The following BTD variants were observed in gnomAD, a reference collection of about 807,000 sequenced individuals.
BTD encodes the protein biocytinase.
A neutral mutation model predicts 17.7 loss-of-function variants in BTD; 13 were observed. That is an observed-to-expected ratio of 0.74 (90% CI 0.48 to 1.17). The LOEUF (loss-of-function observed/expected upper bound fraction) is 1.17. Among genes scored for constraint, BTD ranks in the 50% most tolerant of loss-of-function variants. The probability of loss-of-function intolerance (pLI) is 0.00; values close to 1 mark genes in which losing one functional copy is unlikely to be tolerated. For missense variants in BTD, 674 were observed against 650.4 expected, an observed-to-expected ratio of 1.04 and a Z score of -0.39; for synonymous variants, 240 against 245.2, an observed-to-expected ratio of 0.98 and a Z score of 0.20.
intron 1 of BTD, among the ~76,000 whole-genome samples, chr3:15,603,021 C>T (rs1241507562): frequency 2.6e-5 from 4 of 152,120 alleles, no homozygotes; most frequent in Admixed American, 2.0e-4. Flanking sequence ...TGCAGGGGAA[C>T]TGCCCTTTAT....
At chr3:15,603,052 G>A (rs2064322210) in intron 1 of BTD, among the ~76,000 whole-genome samples, 1 of 152,090 alleles carries the variant, frequency 6.6e-6, no homozygotes, top group Non-Finnish European at 1.5e-5. Flanking sequence ...GATCTCATGA[G>A]ACTTACTATC....
chr3:15,676,153 C>T (rs1289774915), intron 3 of BTD: 4 of 502,880 alleles, frequency 8.0e-6, no homozygotes, highest in Non-Finnish European at 1.4e-5. Flanking sequence ...GAGAGCAGAA[C>T]CTCTGTGCAG....
At chr3:15,662,859 T>TG (rs2065938995) in intron 3 of BTD, among the ~76,000 whole-genome samples, 4 of 150,986 alleles carry the variant, frequency 2.6e-5, no homozygotes, top group Admixed American at 1.3e-4. Flanking sequence ...GGAGGTTTTT[T>TG]TTTTTTTTTT....
chr3:15,700,671 G>A (rs897000106), intron 3 of BTD, among the ~76,000 whole-genome samples: 2 of 152,142 alleles, frequency 1.3e-5, no homozygotes, highest in African/African-American at 4.8e-5. Context: ...CTACTCGGGA[G>A]GCTGAGGCAG....
At position 15,646,488 on chromosome 3, in the gene BTD, A is replaced by C. The variant is rs1000420604; in HGVS notation, c.*1000A>C. On this transcript the variant is annotated 3_prime_UTR_variant, in exon 4 of 4. Coordinates refer to ENST00000643237, the MANE Select transcript of BTD (RefSeq NM_001370658.1). ...GCCCACTTTAGTCATGCATTTATTCAATCACCCAACAGGCACAGAGCAGGA... is the reference window on the plus strand; with the variant it reads ...GCCCACTTTAGTCATGCATTTATTCCATCACCCAACAGGCACAGAGCAGGA... 6.6e-6 allele frequency: 1 copy of C among 152,248 alleles called. No individual in the cohort carries two copies. The highest frequency in any genetic ancestry group is 1.5e-5 in the Non-Finnish European group (1 of 68,048). The allele number at this position is 152,248 out of a possible 1,614,324, so 9.4% of individuals were successfully genotyped here.
chr3:15,637,284 C>T (rs1431768862), intron 2 of BTD, among the ~76,000 whole-genome samples: 1 of 152,010 alleles, frequency 6.6e-6, no homozygotes, highest in Non-Finnish European at 1.5e-5. Flanking sequence ...CTAATAAGGG[C>T]AGGGTAGAGA....
chr3:15,702,955 C>T (rs1176893751), intron 3 of BTD, among the ~76,000 whole-genome samples: 3 of 152,062 alleles, frequency 2.0e-5, no homozygotes, highest in Non-Finnish European at 4.4e-5. Context: ...ATAGTCGTGA[C>T]AGAGTTTAGA....
intron 1 of BTD, among the ~76,000 whole-genome samples, chr3:15,614,141 T>TTTTTTTTTTTTTG (rs2064721872): frequency 6.7e-6 from 1 of 150,080 alleles, no homozygotes. Context: ...TTTTTTTTTT[T>TTTTTTTTTTTTTG]AAGTCAAGGT....
chr3:15,714,848 C>T (rs2072813352), downstream of BTD, among the ~76,000 whole-genome samples: 1 of 152,004 alleles, frequency 6.6e-6, no homozygotes, highest in Admixed American at 6.6e-5. Context: ...TATCATAAAA[C>T]ACAAATATAC....
At chr3:15,655,086 C>T (rs1411207324), downstream of BTD, among the ~76,000 whole-genome samples, 1 of 152,138 alleles carries the variant, frequency 6.6e-6, no homozygotes, top group East Asian at 1.9e-4. Flanking sequence ...AGGAAAAGCC[C>T]CTACATTCAT....
exon 4 of BTD, among the ~76,000 whole-genome samples, chr3:15,711,539 T>G (rs1440685110): frequency 6.6e-6 from 1 of 152,172 alleles, no homozygotes; most frequent in Non-Finnish European, 1.5e-5. Flanking sequence ...GAAGATCACA[T>G]GTTGGGTGAG....
chr3:15,601,924 G>C lies in BTD; in HGVS notation c.-17+30G>C, dbSNP rs146042873. 683 of 1,612,430 alleles carry C rather than the reference G, an allele frequency of 4.2e-4. 19 individuals carry two copies. In the South Asian group the frequency reaches 6.0e-3, roughly 14 times the overall value. ...GGAGGGGGCGTGGTGCGGCGCGGAGGGGGTGTGGTAAGGGCGTGCGGTCCA... is the reference window on the plus strand; with the variant it reads ...GGAGGGGGCGTGGTGCGGCGCGGAGCGGGTGTGGTAAGGGCGTGCGGTCCA... On this transcript the variant is annotated intron_variant, in intron 1 of 3. Coordinates refer to ENST00000643237, the MANE Select transcript of BTD (RefSeq NM_001370658.1).
rs377552806 is a variant in BTD at position 15,608,591 on chromosome 3, C to T, written c.-17+6697C>T. Among the ~76,000 whole-genome samples the T allele has an allele frequency of 4.9e-3, 742 of 152,220 alleles. 6 individuals carry two copies. Among genetic ancestry groups the T allele is most frequent in the South Asian group, 0.01 (50 of 4,826 alleles). On this transcript the variant is annotated intron_variant, in intron 1 of 3. Transcript: ENST00000643237. ...CACCATCCTGGCCAACATGGTGAAA[C>T]CCCGTCTCTACTAAAAATACAAAAA...
intron 3 of BTD, among the ~76,000 whole-genome samples, chr3:15,661,068 C>T (rs2065916530): frequency 6.6e-6 from 1 of 151,966 alleles, no homozygotes; most frequent in Non-Finnish European, 1.5e-5. Flanking sequence ...GAGTTCAAGA[C>T]AAGCCTGGCC....
intron 4 of BTD, chr3:15,720,906 G>C: frequency 1.9e-6 from 3 of 1,611,094 alleles, no homozygotes; most frequent in Non-Finnish European, 1.7e-6. Context: ...TTCTGATTTT[G>C]TTCCTTACCT....
chr3:15,692,483 A>G (rs1315736090), intron 3 of BTD, among the ~76,000 whole-genome samples: 2 of 152,208 alleles, frequency 1.3e-5, no homozygotes, highest in Non-Finnish European at 2.9e-5. Flanking sequence ...ATAAAAATGA[A>G]AAGACAAGAG....
chr3:15,661,630 G>A (rs1156949807), intron 3 of BTD, among the ~76,000 whole-genome samples: 1 of 152,148 alleles, frequency 6.6e-6, no homozygotes, highest in Non-Finnish European at 1.5e-5. Flanking sequence ...GTCTCACAGA[G>A]CAGAAATTTA....
At chr3:15,670,898 G>A (rs1274144422) in intron 3 of BTD, among the ~76,000 whole-genome samples, 2 of 152,142 alleles carry the variant, frequency 1.3e-5, no homozygotes, top group Non-Finnish European at 2.9e-5. Flanking sequence ...TATTCTTTCA[G>A]GATGGTAGGC....
chr3:15,690,375 A>G (rs2068632941), intron 3 of BTD, among the ~76,000 whole-genome samples: 1 of 152,240 alleles, frequency 6.6e-6, no homozygotes, highest in Non-Finnish European at 1.5e-5. Context: ...AGTTAACTAC[A>G]GATCTTTCTA....
Sources: gnomAD v4.1 joint callset for allele counts (sites outside exome capture counted in the v4.1 genomes callset) on GRCh38, gnomAD v4.1.1 for gene constraint, MANE v1.5 for transcripts, NCBI Gene and HGNC (gene_info 2026-07-23, HGNC 2026-07-21) for gene names.